XPO4: variants seen among roughly 807,000 people sequenced by gnomAD.
XPO4 encodes exportin 4, also known as exportin-4.
XPO4 carries 39 observed loss-of-function variants against 143.0 expected under a neutral mutation model. The ratio of observed to expected loss-of-function variants is 0.27; its 90% CI spans 0.21 to 0.36. The LOEUF (loss-of-function observed/expected upper bound fraction) is 0.36. XPO4 is among the 10% of genes least tolerant of loss of function. XPO4 has a pLI of 1.00. For synonymous variants in XPO4, 439 were observed against 474.0 expected, an observed-to-expected ratio of 0.93 and a Z score of 0.96; for missense variants, 907 against 1,348.0, an observed-to-expected ratio of 0.67 and a Z score of 5.12.
At chr13:20,804,288 G>A (rs2059475211) in intron 13 of XPO4, among the ~76,000 whole-genome samples, 1 of 149,622 alleles carries the variant, frequency 6.7e-6, no homozygotes, top group African/African-American at 2.5e-5. Context: ...GCCTATGGTG[G>A]ACGTGTTCCT....
chr13:20,825,389 A>C (rs1283989251), intron 7 of XPO4, among the ~76,000 whole-genome samples: 1 of 152,264 alleles, frequency 6.6e-6, no homozygotes, highest in African/African-American at 2.4e-5. Context: ...AACTAAATTT[A>C]ACCAAAGTTA....
chr13:20,810,177 T>G (rs1002350275), intron 9 of XPO4, among the ~76,000 whole-genome samples: 4 of 152,178 alleles, frequency 2.6e-5, no homozygotes, highest in Admixed American at 2.6e-4. Context: ...AAACCAGCTG[T>G]TTAGTGTTTT....
In XPO4 at chr13:20,843,832, T is replaced by A; in HGVS notation, c.511A>T (p.Ser171Cys). Residue 171 changes from serine (S) to cysteine (C), a missense_variant, in exon 5 of 23, where the codon AGT (serine) becomes TGT (cysteine). Ser to Cys is a moderately radical substitution (Grantham distance 112). Coordinates refer to ENST00000255305, the MANE Select transcript of XPO4 (RefSeq NM_022459.5). ...TALLSEFSSS[S>C]KTSNIGLSME... Reference sequence around the variant, plus strand: ...CTCAATCCAATGTTGCTAGTTTTACTTGAACTTGAAAATTCACTCAATAGC... The same window carrying A: ...CTCAATCCAATGTTGCTAGTTTTACATGAACTTGAAAATTCACTCAATAGC... 6.2e-7 allele frequency: 1 copy of A among 1,613,478 alleles called. No homozygotes were observed.
intron 1 of XPO4, among the ~76,000 whole-genome samples, chr13:20,892,890 A>T (rs77264408): frequency 3.0e-5 from 2 of 65,956 alleles, no homozygotes; most frequent in African/African-American, 6.9e-5. Context: ...AGTAAAAAAT[A>T]AAAAAAAAAA....
At chr13:20,828,573 G>A (rs143781946) in intron 6 of XPO4, among the ~76,000 whole-genome samples, 34 of 152,282 alleles carry the variant, frequency 2.2e-4, no homozygotes, top group African/African-American at 7.5e-4. Flanking sequence ...GGGGCACTAT[G>A]AGTTGTTTCA....
intron 1 of XPO4, among the ~76,000 whole-genome samples, chr13:20,881,606 C>T (rs560970157): frequency 4.5e-4 from 68 of 152,026 alleles, no homozygotes; most frequent in African/African-American, 1.3e-3. Context: ...CACAAGAAAA[C>T]TTTTATGAGC....
chr13:20,827,023 C>A (rs1436263782), intron 7 of XPO4, 44 bp downstream of exon 7: 2 of 1,414,868 alleles, frequency 1.4e-6, no homozygotes, highest in East Asian at 2.3e-5. Context: ...GGCATTTCCT[C>A]TTTTCTATGG....
chr13:20,888,461 C>T (rs1023743041), intron 1 of XPO4, among the ~76,000 whole-genome samples: 1 of 152,112 alleles, frequency 6.6e-6, no homozygotes, highest in African/African-American at 2.4e-5. Context: ...ATGGATGCTC[C>T]CACTTCAGCC....
At position 20,852,104 on chromosome 13, in the gene XPO4, G is replaced by A. The variant is rs796886161; in HGVS notation, c.456+3523C>T. ...TACTTGTAGGGGGTGAGGGCAGGCC[G>A]CATAAATTCTACCCCAATACCAAAA... On this transcript the variant is annotated intron_variant, in intron 4 of 22. Coordinates refer to ENST00000255305, the MANE Select transcript of XPO4 (RefSeq NM_022459.5). The A allele has an allele frequency of 1.0e-5, 10 of 985,372 alleles. No individual in the cohort carries two copies. In the African/African-American group the frequency reaches 1.2e-4, roughly 12 times the overall value. The allele number at this position is 985,372 out of a possible 1,614,324, so 61.0% of individuals were successfully genotyped here.
rs61954165 is a variant in XPO4 at position 20,816,913 on chromosome 13, T to G, written c.1173+4791A>C. Among the ~76,000 whole-genome samples, 307 of 152,366 alleles carry G rather than the reference T, an allele frequency of 2.0e-3. 1 individual carries two copies. The highest frequency in any genetic ancestry group is 7.4e-3 in the South Asian group (36 of 4,834). The stretch of plus-strand genomic sequence containing the variant: ...TGTTATTATTTCTAAAAAGTATACT[T>G]TTAATGTGCAAGCTTTAAAAAATAC... On this transcript the variant is annotated intron_variant, in intron 9 of 22. Transcript: ENST00000255305.
At chr13:20,800,668 C>T (rs1350282169) in intron 14 of XPO4, among the ~76,000 whole-genome samples, 163 bp downstream of exon 14, 1 of 152,164 alleles carries the variant, frequency 6.6e-6, no homozygotes, top group African/African-American at 2.4e-5. Flanking sequence ...CTCAAAAACA[C>T]ATTAAAACAG....
chr13:20,803,510 C>A lies in XPO4; in HGVS notation c.1818-2520G>T, dbSNP rs1008932466. ...GAAATACCTCTCATAACCCAAGAAC[C>A]TTTCTCCATCTTCACTCCCAAGACT... is the stretch of plus-strand genomic sequence containing the variant. On this transcript the variant is annotated intron_variant, in intron 13 of 22. Transcript: ENST00000255305. This position sits in a 1 kb window ranked among gnomAD's most constrained non-coding sequence, Gnocchi z 4.1. Among the ~76,000 whole-genome samples, 4 of 152,090 alleles carry A rather than the reference C, an allele frequency of 2.6e-5. No homozygotes were observed. Among genetic ancestry groups the A allele is most frequent in the East Asian group, 1.9e-4 (1 of 5,190 alleles).
rs1027770520 is a variant in XPO4 at position 20,876,890 on chromosome 13, G to A, written c.70-8189C>T. Reference sequence around the variant, plus strand: ...ACAAAACTTCCACATCGTGTAAGGGGACCCAAGCAGGTTGCCGCTGCTGGC... The same window carrying A: ...ACAAAACTTCCACATCGTGTAAGGGAACCCAAGCAGGTTGCCGCTGCTGGC... On this transcript the variant is annotated intron_variant, in intron 1 of 22. Transcript: ENST00000255305. Among the ~76,000 whole-genome samples, 3 of 152,186 alleles carry A rather than the reference G, an allele frequency of 2.0e-5. 1 individual carries two copies. The highest frequency in any genetic ancestry group is 4.8e-5 in the African/African-American group (2 of 41,436).
intron 13 of XPO4, among the ~76,000 whole-genome samples, chr13:20,804,946 A>G (rs1389123331): frequency 7.5e-6 from 1 of 133,246 alleles, no homozygotes; most frequent in Non-Finnish European, 1.5e-5. Flanking sequence ...GTTTTTTTGC[A>G]TTTTGTTTTT....
chr13:20,838,609 CAAA>C (rs36097222), intron 6 of XPO4, among the ~76,000 whole-genome samples: 10 of 87,710 alleles, frequency 1.1e-4, no homozygotes, highest in Non-Finnish European at 1.4e-4. Context: ...GACTCCATCT[CAAA>C]AAAAAAAAAA....
rs2059111590 is a variant in XPO4 at position 20,779,036 on chromosome 13, C to T, written c.*4686G>A. 6.6e-6 allele frequency: 1 copy of T among 152,088 alleles called. No homozygotes were observed. Among genetic ancestry groups the T allele is most frequent in the South Asian group, 2.1e-4 (1 of 4,832 alleles). The allele number at this position is 152,088 out of a possible 1,614,324, so 9.4% of individuals were successfully genotyped here. A position where few individuals can be genotyped will look rare whatever the true frequency, so the allele number is the denominator to read the frequency against. ...GCAGCATCTTCTGAAAAACTAAATG[C>T]AATTTTATACCTTCATTAGTTATGT... On this transcript the variant is annotated 3_prime_UTR_variant, in exon 23 of 23. Transcript: ENST00000255305.
At chr13:20,869,729 G>T in intron 1 of XPO4, 1 of 351,796 alleles carries the variant, frequency 2.8e-6, no homozygotes, top group Non-Finnish European at 4.0e-6. Flanking sequence ...CTTATAATTA[G>T]CTAAAGCCAG....
At chr13:20,807,685 C>A in intron 12 of XPO4, 51 bp from the exon 13 acceptor site, 1 of 1,351,520 alleles carries the variant, frequency 7.4e-7, no homozygotes, top group South Asian at 1.5e-5. Flanking sequence ...CTACATTTAT[C>A]AAATTGTACT....
chr13:20,862,194 A>T (rs574641762), intron 3 of XPO4, among the ~76,000 whole-genome samples: 26 of 152,180 alleles, frequency 1.7e-4, no homozygotes, highest in African/African-American at 6.0e-4. Flanking sequence ...TTATATCAAT[A>T]CTTACCATTT....
Sources: allele counts gnomAD v4.1 joint callset (sites outside exome capture counted in the v4.1 genomes callset), GRCh38; gene constraint gnomAD v4.1.1; non-coding constraint Gnocchi (gnomAD v3.1); transcripts MANE v1.5; gene names NCBI Gene and HGNC (gene_info 2026-07-23, HGNC 2026-07-21).